C20orf203: variants seen among roughly 807,000 people sequenced by gnomAD.
C20orf203 encodes chromosome 20 open reading frame 203.
A neutral mutation model predicts 15.9 loss-of-function variants in C20orf203; 16 were observed. The ratio of observed to expected loss-of-function variants is 1.01; its 90% CI spans 0.68 to 1.53. C20orf203 has a LOEUF of 1.53. Among genes scored for constraint, C20orf203 ranks in the 40% most tolerant of loss-of-function variants. The pLI is 0.00. For synonymous variants in C20orf203, 98 were observed against 97.2 expected (o/e 1.01, Z -0.05); for missense variants, 263 against 247.5 (o/e 1.06, Z -0.42).
Position 32,633,025 on chromosome 20 carries a change from AACTC to A in C20orf203, c.*2541_*2544del, listed in dbSNP as rs1217281032. 1 of 152,178 alleles carries A rather than the reference AACTC, an allele frequency of 6.6e-6. No individual in the cohort carries two copies. The highest frequency in any genetic ancestry group is 1.5e-5 in the Non-Finnish European group (1 of 68,042). 9.4% of individuals were successfully genotyped at this position (152,178 alleles called of 1,614,324 possible). A position where few individuals can be genotyped will look rare whatever the true frequency, so the allele number is the denominator to read the frequency against. ...TTATAAAACCATCAGATCTCGTGAG[AACTC>A]ACTCACTATCATGAGAACAGCATGG... On this transcript the variant is annotated 3_prime_UTR_variant, in exon 6 of 6. Transcript: ENST00000608990.
chr20:32,646,831 C>A (rs969418526), intron 4 of C20orf203, among the ~76,000 whole-genome samples: 4 of 152,226 alleles, frequency 2.6e-5, no homozygotes, highest in Non-Finnish European at 4.4e-5. Flanking sequence ...TAGCCAGAGG[C>A]CCCATGCATG....
chr20:32,662,754 A>G (rs1196284526), intron 1 of C20orf203, among the ~76,000 whole-genome samples: 1 of 151,822 alleles, frequency 6.6e-6, no homozygotes, highest in African/African-American at 2.4e-5. Context: ...ATGGTGGCTC[A>G]TGCCTGTAAC....
intron 1 of C20orf203, among the ~76,000 whole-genome samples, chr20:32,671,310 C>G (rs1983159652): frequency 6.6e-6 from 1 of 152,126 alleles, no homozygotes; most frequent in Admixed American, 6.5e-5. Context: ...AATGGATAAA[C>G]AACATATGGT....
At chr20:32,660,528 C>T (rs1377709293) in intron 1 of C20orf203, among the ~76,000 whole-genome samples, 5 of 152,304 alleles carry the variant, frequency 3.3e-5, no homozygotes, top group African/African-American at 1.2e-4. Flanking sequence ...ACTGACTGTG[C>T]TAGGCCATCA....
intron 1 of C20orf203, among the ~76,000 whole-genome samples, chr20:32,658,587 C>A (rs1277527338): frequency 6.6e-6 from 1 of 152,066 alleles, no homozygotes; most frequent in Non-Finnish European, 1.5e-5. Flanking sequence ...ACTACCACAC[C>A]CAATCTATGA....
At position 32,632,681 on chromosome 20, in the gene C20orf203, A is replaced by T. The variant is rs983478524; in HGVS notation, c.*2889T>A. On this transcript the variant is annotated 3_prime_UTR_variant, in exon 6 of 6. Transcript: ENST00000608990. ...TCCATGGCATGCAAAAGTCTTTAGT[A>T]TTCATGTAACCAGATCTAGAATTCT... is the stretch of plus-strand genomic sequence containing the variant. 3 of 152,128 alleles carry T rather than the reference A, an allele frequency of 2.0e-5. No individual in the cohort carries two copies. Among genetic ancestry groups the T allele is most frequent in the African/African-American group, 7.2e-5 (3 of 41,414 alleles). The allele number at this position is 152,128 out of a possible 1,614,324, so 9.4% of individuals were successfully genotyped here. A position where few individuals can be genotyped will look rare whatever the true frequency, so the allele number is the denominator to read the frequency against.
chr20:32,639,133 G>A (rs1982211363), intron 5 of C20orf203, among the ~76,000 whole-genome samples: 3 of 152,306 alleles, frequency 2.0e-5, no homozygotes, highest in Middle Eastern at 3.4e-3. Flanking sequence ...CTGGCTCTCC[G>A]CCACGAGCCT....
intron 4 of C20orf203, among the ~76,000 whole-genome samples, chr20:32,645,508 G>T (rs1452007842): frequency 1.3e-5 from 2 of 152,210 alleles, no homozygotes; most frequent in African/African-American, 4.8e-5. Flanking sequence ...GAATTTCTGG[G>T]TCAGCAAACA....
chr20:32,655,709 C>T (rs776516254), intron 1 of C20orf203, among the ~76,000 whole-genome samples: 10 of 152,214 alleles, frequency 6.6e-5, no homozygotes, highest in Admixed American at 1.3e-4. Context: ...AGGAGAATCA[C>T]TTGAACCCAG....
chr20:32,634,348 G>A (rs961723239), intron 5 of C20orf203, 78 bp from the exon 6 acceptor site: 5 of 397,136 alleles, frequency 1.3e-5, no homozygotes, highest in South Asian at 1.4e-4. Flanking sequence ...TGGACAAAGC[G>A]GTGGAAGACA....
chr20:32,652,487 G>A (rs754158033), intron 1 of C20orf203, among the ~76,000 whole-genome samples: 2 of 151,878 alleles, frequency 1.3e-5, no homozygotes, highest in African/African-American at 2.4e-5. Flanking sequence ...TTATTTGAAC[G>A]ATAAAATCAG....
chr20:32,647,640 G>A (rs953191913), intron 4 of C20orf203, among the ~76,000 whole-genome samples: 51 of 152,160 alleles, frequency 3.4e-4, no homozygotes, highest in African/African-American at 1.1e-3. Flanking sequence ...AGGAGATTGA[G>A]GCTGTAGTGA....
intron 1 of C20orf203, among the ~76,000 whole-genome samples, chr20:32,664,540 GTGA>G (rs1982973061): frequency 6.6e-6 from 1 of 152,228 alleles, no homozygotes; most frequent in Admixed American, 6.5e-5. Context: ...TTGGCTTGCT[GTGA>G]GCTTGAGGTC....
At chr20:32,654,396 C>T (rs1982707937) in intron 1 of C20orf203, among the ~76,000 whole-genome samples, 1 of 152,114 alleles carries the variant, frequency 6.6e-6, no homozygotes, top group Non-Finnish European at 1.5e-5. Context: ...AGACCCAATA[C>T]CATTAAGATG....
At chr20:32,638,176 T>C (rs999204679) in intron 5 of C20orf203, among the ~76,000 whole-genome samples, 4 of 152,178 alleles carry the variant, frequency 2.6e-5, no homozygotes, top group African/African-American at 9.7e-5. Context: ...CTGAGCTCTT[T>C]GCAACAGCCT....
chr20:32,656,211 C>T (rs1003188650), intron 1 of C20orf203, among the ~76,000 whole-genome samples: 8 of 152,336 alleles, frequency 5.3e-5, no homozygotes, highest in African/African-American at 1.9e-4. Context: ...GCAATGCAAA[C>T]AGACTAATGC....
chr20:32,665,926 A>G (rs1272579021), intron 1 of C20orf203, among the ~76,000 whole-genome samples: 4 of 151,902 alleles, frequency 2.6e-5, no homozygotes, highest in Non-Finnish European at 5.9e-5. Context: ...ACAGAGTGAG[A>G]CTCCTTCTCA....
chr20:32,673,055 C>T (rs967667640), intron 1 of C20orf203, among the ~76,000 whole-genome samples: 3 of 152,108 alleles, frequency 2.0e-5, no homozygotes, highest in African/African-American at 7.2e-5. Flanking sequence ...CCCCTCAAGA[C>T]CCAAGACTCC....
Position 32,650,749 on chromosome 20 carries a change from G to T in C20orf203, c.268C>A (p.Pro90Thr), listed in dbSNP as rs1199878451. Residue 90 changes from proline (P) to threonine (T), a missense_variant, in exon 4 of 6, where the codon CCA becomes ACA. Coordinates refer to ENST00000608990, the MANE Select transcript of C20orf203 (RefSeq NM_182584.4). Reference protein sequence around the residue: ...HQRQPPPPQHPGPYQERIWVG... With the variant: ...HQRQPPPPQHTGPYQERIWVG... The stretch of plus-strand genomic sequence containing the variant: ...CAAATCCTTTCCTGATAAGGGCCTG[G>T]GTGTTGCGGAGGAGGAGGCTGGCGC... The T allele has an allele frequency of 6.5e-7, 1 of 1,531,980 alleles. No homozygotes were observed. The highest frequency in any genetic ancestry group is 8.8e-7 in the Non-Finnish European group (1 of 1,137,218). 94.9% of individuals were successfully genotyped at this position (1,531,980 alleles called of 1,614,324 possible). A position where few individuals can be genotyped will look rare whatever the true frequency, so the allele number is the denominator to read the frequency against.
Sources: gnomAD v4.1 joint callset for allele counts (sites outside exome capture counted in the v4.1 genomes callset) on GRCh38, gnomAD v4.1.1 for gene constraint, MANE v1.5 for transcripts, NCBI Gene and HGNC (gene_info 2026-07-23, HGNC 2026-07-21) for gene names.